The following TENM1 variants were observed in gnomAD, a reference collection of about 807,000 sequenced individuals.
The protein encoded by TENM1 is teneurin transmembrane protein 1.
Under a neutral mutation model 174.8 loss-of-function variants are expected in TENM1, and 35 were observed. The ratio of observed to expected loss-of-function variants is 0.20; its 90% CI spans 0.15 to 0.27. The LOEUF is 0.27. Ranked by LOEUF, TENM1 falls within the 10% of genes least tolerant of loss-of-function variation. The pLI, the probability that TENM1 is intolerant of heterozygous loss-of-function variation, is 1.00. For missense variants in TENM1, 1,633 were observed against 2,130.1 expected (o/e 0.77, Z 4.59); for synonymous variants, 781 against 798.7 (o/e 0.98, Z 0.37).
chrX:125,001,852 T>TAGATACACAC, the TENM1 span, among the ~76,000 whole-genome samples: 433 of 84,921 alleles, frequency 5.1e-3, 4 homozygotes, highest in South Asian at 0.017. Flanking sequence ...TATAGATAGA[T>TAGATACACAC]ACACACACAC....
the TENM1 span, among the ~76,000 whole-genome samples, chrX:125,134,027 G>A: frequency 0.021 from 2,276 of 111,022 alleles, 52 homozygotes; most frequent in African/African-American, 0.071. Context: ...TTTGTATTTC[G>A]TTGCCAAGAA....
chrX:124,650,261 A>G (rs2051270241), intron 8 of TENM1, among the ~76,000 whole-genome samples: 1 of 108,845 alleles, frequency 9.2e-6, no homozygotes, highest in Admixed American at 9.9e-5. Context: ...ATGACTTACA[A>G]GCCTTTTGAT....
intron 23 of TENM1, among the ~76,000 whole-genome samples, chrX:124,452,798 T>C (rs1214736112): frequency 1.1e-5 from 1 of 94,628 alleles, no homozygotes; most frequent in African/African-American, 4.1e-5. Flanking sequence ...TTCTCACTCA[T>C]AGGTGGGAAC....
chrX:124,676,304 AT>A (rs2052083172), intron 5 of TENM1, among the ~76,000 whole-genome samples: 1 of 55,256 alleles, frequency 1.8e-5, no homozygotes, highest in Non-Finnish European at 3.2e-5. Context: ...ATATATATAT[AT>A]ATATATATAC....
At chrX:124,757,722 A>G (rs1026328008) in intron 3 of TENM1, among the ~76,000 whole-genome samples, 30 of 112,653 alleles carry the variant, frequency 2.7e-4, no homozygotes, top group Non-Finnish European at 3.4e-4. Context: ...ATCTAGTCTT[A>G]AAATTCGAGG....
chrX:124,826,238 G>A (rs939203446), intron 3 of TENM1, among the ~76,000 whole-genome samples: 3 of 109,809 alleles, frequency 2.7e-5, no homozygotes, highest in Non-Finnish European at 5.7e-5. Context: ...GGAGAAACCC[G>A]TCTCTATTAA....
intron 5 of TENM1, among the ~76,000 whole-genome samples, chrX:124,677,007 G>C (rs1422418340): frequency 1.8e-5 from 2 of 110,540 alleles, no homozygotes; most frequent in South Asian, 3.8e-4. Context: ...TGGCTAGTCA[G>C]AGTTGAAGAC....
chrX:124,494,665 C>T (rs1258335828), intron 20 of TENM1, among the ~76,000 whole-genome samples: 4 of 102,621 alleles, frequency 3.9e-5, no homozygotes, highest in Admixed American at 1.1e-4. Context: ...CTCCCCCCTT[C>T]CCCCACCCCA....
chrX:124,955,797 GCACA>G (rs376755403), intron 1 of TENM1, among the ~76,000 whole-genome samples: 464 of 91,233 alleles, frequency 5.1e-3, no homozygotes, highest in African/African-American at 0.014. Context: ...ACACGCGCAC[GCACA>G]CACACACACA....
At chrX:124,754,359 C>A (rs2054169108) in intron 3 of TENM1, among the ~76,000 whole-genome samples, 1 of 111,438 alleles carries the variant, frequency 9.0e-6, no homozygotes, top group African/African-American at 3.3e-5. Flanking sequence ...TTTATTGCGT[C>A]TATTTGATTC....
At chrX:124,785,408 C>A (rs975442097) in intron 3 of TENM1, among the ~76,000 whole-genome samples, 1 of 111,638 alleles carries the variant, frequency 9.0e-6, no homozygotes, top group East Asian at 2.8e-4. Context: ...GATGCTGGGC[C>A]AGGCATATCC....
chrX:124,761,778 T>C (rs1222306685), intron 3 of TENM1, among the ~76,000 whole-genome samples: 1 of 111,735 alleles, frequency 8.9e-6, no homozygotes, highest in African/African-American at 3.3e-5. Context: ...TGGAGATCTT[T>C]CCACGTATGT....
At position 124,464,920 on chromosome X, in the gene TENM1, T is replaced by A. The variant is rs767608075; in HGVS notation, c.3950-11429A>T. Among the ~76,000 whole-genome samples the A allele has an allele frequency of 1.0e-3, 112 of 111,980 alleles. 1 individual carries two copies. The highest frequency in any genetic ancestry group is 3.6e-3 in the African/African-American group (110 of 30,845). The stretch of plus-strand genomic sequence containing the variant: ...AAGGGGGCTGGTGACTTCCTTATCC[T>A]TGTCTTGATTGAGATTGGAGTTTCC... On this transcript the variant is annotated intron_variant, in intron 22 of 31. Transcript: ENST00000422452.
At chrX:124,723,747 T>G (rs1465612065) in intron 4 of TENM1, among the ~76,000 whole-genome samples, 1 of 109,692 alleles carries the variant, frequency 9.1e-6, no homozygotes, top group African/African-American at 3.3e-5. Context: ...AATACAGGCG[T>G]GTGCCACCAC....
chrX:124,838,407 TA>T (rs1432223183), intron 3 of TENM1, among the ~76,000 whole-genome samples: 2 of 111,476 alleles, frequency 1.8e-5, no homozygotes, highest in African/African-American at 6.5e-5. Context: ...TGAAATAAAA[TA>T]AAAATATTGA....
chrX:125,012,813 A>C, the TENM1 span, among the ~76,000 whole-genome samples: 2,296 of 112,155 alleles, frequency 0.02, 73 homozygotes, highest in African/African-American at 0.07. Context: ...GAATGTATGT[A>C]TATAATATTA....
rs762727345 is a variant in TENM1, at chrX:124,899,713, T to A, written c.218-3472A>T. ...GGTATTGCCCTACTGCTTTCCGCAA[T>A]GGTTGAAATTCAATTTTTTAAGTGG... On this transcript the variant is annotated intron_variant, in intron 1 of 31. Coordinates refer to ENST00000422452, the Ensembl canonical transcript of TENM1. 4.1e-4 allele frequency among the ~76,000 whole-genome samples: 46 copies of A among 112,044 alleles called. No individual in the cohort carries two copies. The South Asian group carries it at 8.5e-3, about 21-fold the overall frequency.
rs751250929 is a variant in TENM1, at chrX:124,612,003, A to AT, written c.2077+29787dup. Among the ~76,000 whole-genome samples the AT allele has an allele frequency of 6.2e-5, 7 of 112,259 alleles. No homozygotes were observed. The Admixed American group carries it at 6.6e-4, about 11-fold the overall frequency. ...CAGCCTTGCTGAATTTTAAAATATG[A>AT]TTTTTTCAGAAAACAAAAATTATTT... On this transcript the variant is annotated intron_variant, in intron 11 of 31. Coordinates refer to ENST00000422452, the Ensembl canonical transcript of TENM1.
At chrX:124,381,005 C>T in exon 32 of TENM1, 1 of 1,211,758 alleles carries the variant, frequency 8.3e-7, no homozygotes, top group South Asian at 1.8e-5. Flanking sequence ...GTGAGTGTCC[C>T]TCCCCTCTAT....
Sources: gnomAD v4.1 joint callset for allele counts (sites outside exome capture counted in the v4.1 genomes callset) on GRCh38, gnomAD v4.1.1 for gene constraint, MANE v1.5 for transcripts, NCBI Gene and HGNC (gene_info 2026-07-23, HGNC 2026-07-21) for gene names.